Variants in HNRNPD observed in about 807,000 individuals in gnomAD.
HNRNPD encodes heterogeneous nuclear ribonucleoprotein D.
A neutral mutation model predicts 47.9 loss-of-function variants in HNRNPD; 3 were observed. The ratio of observed to expected loss-of-function variants is 0.06; its 90% CI spans 0.03 to 0.16. HNRNPD has a LOEUF of 0.16. Among genes scored for constraint, HNRNPD ranks in the 10% least tolerant of loss-of-function variants. The pLI, the probability that HNRNPD is intolerant of heterozygous loss-of-function variation, is 1.00. For synonymous variants in HNRNPD, 171 were observed against 165.1 expected, an observed-to-expected ratio of 1.04 and a Z score of -0.28; for missense variants, 287 against 454.2, an observed-to-expected ratio of 0.63 and a Z score of 3.35.
At chr4:82,356,348 A>ACC (rs1430984057) in intron 7 of HNRNPD, 189 bp downstream of exon 7, 18 of 558,568 alleles carry the variant, frequency 3.2e-5, no homozygotes, top group Admixed American at 6.4e-5. Flanking sequence ...CATACACCCT[A>ACC]CCCTTATAAT....
intron 2 of HNRNPD, among the ~76,000 whole-genome samples, chr4:82,370,188 A>C (rs1719967048): frequency 6.6e-6 from 1 of 152,178 alleles, no homozygotes; most frequent in Non-Finnish European, 1.5e-5. Flanking sequence ...AGTAAATGAC[A>C]GTTGGTTACT....
At chr4:82,359,330 A>G in intron 3 of HNRNPD, 141 bp downstream of exon 3, 1 of 473,498 alleles carries the variant, frequency 2.1e-6, no homozygotes, top group Non-Finnish European at 3.5e-6. Context: ...CTCTATCTTC[A>G]TAAAACGTAT....
chr4:82,356,736 C>T, intron 6 of HNRNPD, 53 bp from the exon 7 acceptor site: 1 of 1,612,776 alleles, frequency 6.2e-7, no homozygotes, highest in Non-Finnish European at 8.5e-7. Context: ...AAGATCTTTA[C>T]TTCAGGATAA....
chr4:82,363,229 A>AC (rs989019215), intron 2 of HNRNPD, among the ~76,000 whole-genome samples: 2 of 151,666 alleles, frequency 1.3e-5, no homozygotes, highest in African/African-American at 4.8e-5. Context: ...GGTGCATGCC[A>AC]CCATGCCAGG....
rs1452295511 is a variant in HNRNPD, at chr4:82,353,166, C to T, written c.*1019G>A. ...AATTCTGACTTAATCCTATAGTTATCACTTAGACTCTTCAGTTTCACTTTC... is the reference window on the plus strand; with the variant it reads ...AATTCTGACTTAATCCTATAGTTATTACTTAGACTCTTCAGTTTCACTTTC... On this transcript the variant is annotated 3_prime_UTR_variant, in exon 9 of 9. Transcript: ENST00000313899. The T allele has an allele frequency of 6.6e-6, 1 of 152,118 alleles. No individual in the cohort carries two copies. The highest frequency in any genetic ancestry group is 2.4e-5 in the African/African-American group (1 of 41,376). 9.4% of individuals were successfully genotyped at this position (152,118 alleles called of 1,614,324 possible). A position where few individuals can be genotyped will look rare whatever the true frequency, so the allele number is the denominator to read the frequency against.
chr4:82,357,823 C>G (rs1249384944), intron 4 of HNRNPD: 1 of 158,318 alleles, frequency 6.3e-6, no homozygotes, highest in Non-Finnish European at 1.4e-5. Flanking sequence ...AACTGGAGAG[C>G]ATATGCCCAA....
At chr4:82,358,454 G>T in intron 4 of HNRNPD, 1 of 514,956 alleles carries the variant, frequency 1.9e-6, no homozygotes, top group Non-Finnish European at 3.4e-6. Flanking sequence ...GCAATACTCT[G>T]CATAGAGTAG....
At position 82,373,727 on chromosome 4, in the gene HNRNPD, G is replaced by A. The variant is rs1042117875; in HGVS notation, c.-49C>T. ...CGCCGAGACTACACCCGCCGCTGCC[G>A]CGAACCGAAACTAGCAGCAAAGTAA... On this transcript the variant is annotated 5_prime_UTR_variant, in exon 1 of 9. Transcript: ENST00000313899. 3.3e-6 allele frequency: 5 copies of A among 1,529,126 alleles called. No individual in the cohort carries two copies. The highest frequency in any genetic ancestry group is 4.4e-6 in the Non-Finnish European group (5 of 1,144,690). 94.7% of individuals were successfully genotyped at this position (1,529,126 alleles called of 1,614,324 possible). A position where few individuals can be genotyped will look rare whatever the true frequency, so the allele number is the denominator to read the frequency against.
intron 8 of HNRNPD, chr4:82,355,034 T>G: frequency 4.7e-6 from 2 of 427,926 alleles, no homozygotes; most frequent in East Asian, 9.8e-5. Context: ...AATGTCAGAG[T>G]TAGTAGGCAA....
At chr4:82,355,033 G>A (rs1472281187) in intron 8 of HNRNPD, 14 of 433,556 alleles carry the variant, frequency 3.2e-5, no homozygotes, top group Non-Finnish European at 1.2e-5. Context: ...TAATGTCAGA[G>A]TTAGTAGGCA....
intron 4 of HNRNPD, 114 bp downstream of exon 4, chr4:82,358,545 A>T: frequency 1.1e-6 from 1 of 895,060 alleles, no homozygotes; most frequent in African/African-American, 1.7e-5. Context: ...TCCAAAACAG[A>T]TCACATAATC....
intron 2 of HNRNPD, among the ~76,000 whole-genome samples, chr4:82,366,959 A>G (rs867727403): frequency 1.3e-5 from 2 of 150,022 alleles, no homozygotes; most frequent in Non-Finnish European, 2.9e-5. Context: ...GGCTCAACAC[A>G]TTCTCCTGCC....
chr4:82,354,250 T>C (rs1723625600), intron 8 of HNRNPD, 96 bp from the exon 9 acceptor site: 2 of 152,288 alleles, frequency 1.3e-5, no homozygotes, highest in African/African-American at 2.4e-5. Context: ...TGTTCCACTA[T>C]ATGTAAATAC....
At chr4:82,369,779 G>C (rs954829692) in intron 2 of HNRNPD, among the ~76,000 whole-genome samples, 1 of 152,020 alleles carries the variant, frequency 6.6e-6, no homozygotes, top group Non-Finnish European at 1.5e-5. Context: ...TGCATAATTG[G>C]AAAGTTAAGA....
In HNRNPD at chr4:82,363,032, A is replaced by G. The variant is rs113146708; in HGVS notation, c.291-3393T>C. ...GATGGCATAATGATTTTATATATAT[A>G]TGTGTGTGTGTGTGTGTATATATAT... On this transcript the variant is annotated intron_variant, in intron 2 of 8. Coordinates refer to ENST00000313899, the MANE Select transcript of HNRNPD (RefSeq NM_031370.3). Among the ~76,000 whole-genome samples the G allele has an allele frequency of 2.5e-3, 377 of 149,042 alleles. 2 individuals are homozygous for G. The highest frequency in any genetic ancestry group is 3.6e-3 in the Admixed American group (54 of 15,030).
chr4:82,365,700 G>A (rs1406945332), intron 2 of HNRNPD, among the ~76,000 whole-genome samples: 1 of 151,318 alleles, frequency 6.6e-6, no homozygotes, highest in Non-Finnish European at 1.5e-5. Flanking sequence ...TGCCTCCCAA[G>A]TTCAAGCAAT....
chr4:82,366,020 A>G (rs1400149590), intron 2 of HNRNPD, among the ~76,000 whole-genome samples: 2 of 152,090 alleles, frequency 1.3e-5, no homozygotes, highest in African/African-American at 2.4e-5. Flanking sequence ...TTATTTCCCC[A>G]TCATTAAAGA....
chr4:82,368,911 A>AG lies in HNRNPD; in HGVS notation c.290+2616dup, dbSNP rs1381176854. ...GGATTCACAGAATTCCCAAATGGGA[A>AG]GAATCACACTTGGGCTCATTATACA... is the stretch of plus-strand genomic sequence containing the variant. On this transcript the variant is annotated intron_variant, in intron 2 of 8. Coordinates refer to ENST00000313899, the MANE Select transcript of HNRNPD (RefSeq NM_031370.3). Among the ~76,000 whole-genome samples the AG allele has an allele frequency of 2.0e-5, 3 of 152,356 alleles. No individual in the cohort carries two copies. The East Asian group carries it at 5.8e-4, about 29-fold the overall frequency.
intron 2 of HNRNPD, among the ~76,000 whole-genome samples, chr4:82,368,292 T>C (rs1449004619): frequency 6.6e-6 from 1 of 152,090 alleles, no homozygotes; most frequent in Non-Finnish European, 1.5e-5. Context: ...ATACTCAAAA[T>C]GTTCTCGTAT....
Sources: gnomAD v4.1 joint callset for allele counts (sites outside exome capture counted in the v4.1 genomes callset) on GRCh38, gnomAD v4.1.1 for gene constraint, MANE v1.5 for transcripts, NCBI Gene and HGNC (gene_info 2026-07-23, HGNC 2026-07-21) for gene names.